The following TIAM1 variants were observed in gnomAD, a reference collection of about 807,000 sequenced individuals.
TIAM1 encodes the protein TIAM Rac1 associated GEF 1, also known as rho guanine nucleotide exchange factor TIAM1.
Under a neutral mutation model 163.5 loss-of-function variants are expected in TIAM1, and 65 were observed. The ratio of observed to expected loss-of-function variants is 0.40; its 90% CI spans 0.33 to 0.49. TIAM1 has a LOEUF of 0.49. Ranked by LOEUF, TIAM1 falls within the 20% of genes least tolerant of loss-of-function variation. The pLI is 0.77. For synonymous variants in TIAM1, 833 were observed against 810.1 expected, an observed-to-expected ratio of 1.03 and a Z score of -0.48; for missense variants, 1,789 against 2,044.7, an observed-to-expected ratio of 0.87 and a Z score of 2.41.
intron 9 of TIAM1, 135 bp downstream of exon 9, chr21:31,217,418 A>G: frequency 1.7e-6 from 2 of 1,211,496 alleles, no homozygotes; most frequent in Non-Finnish European, 2.3e-6. Context: ...AGTGTCTAGC[A>G]CAGCTAGTTT....
chr21:31,424,283 G>C (rs911563676), intron 2 of TIAM1, among the ~76,000 whole-genome samples: 1 of 152,198 alleles, frequency 6.6e-6, no homozygotes, highest in Non-Finnish European at 1.5e-5. Flanking sequence ...AGACTCAGAA[G>C]TTCAGTGATT....
chr21:31,409,338 G>A (rs1307574142), intron 2 of TIAM1, among the ~76,000 whole-genome samples: 1 of 152,094 alleles, frequency 6.6e-6, no homozygotes, highest in Non-Finnish European at 1.5e-5. Flanking sequence ...TTGAACTCCT[G>A]ACCTCGTGAT....
At chr21:31,546,180 T>C (rs1406128463) in intron 1 of TIAM1, among the ~76,000 whole-genome samples, 1 of 96,776 alleles carries the variant, frequency 1.0e-5, no homozygotes, top group Non-Finnish European at 2.0e-5. Context: ...AAGAGGTATT[T>C]GTAATTTAAA....
rs576050191 is a variant in TIAM1, at chr21:31,246,935, A to G, written c.1412-1275T>C. 1.1e-4 allele frequency among the ~76,000 whole-genome samples: 16 copies of G among 152,262 alleles called. No homozygotes were observed. In the South Asian group the frequency reaches 3.1e-3, roughly 30 times the overall value. Reference sequence around the variant, plus strand: ...TTTCATACTTGTGGTCCTTGTCTCCATAATTTAGGAGTCTCAATTATTCCT... The same window carrying G: ...TTTCATACTTGTGGTCCTTGTCTCCGTAATTTAGGAGTCTCAATTATTCCT... On this transcript the variant is annotated intron_variant, in intron 5 of 27. Coordinates refer to ENST00000541036, the MANE Select transcript of TIAM1 (RefSeq NM_001353694.2).
chr21:31,198,700 G>C (rs994796665), intron 12 of TIAM1, among the ~76,000 whole-genome samples: 1 of 152,138 alleles, frequency 6.6e-6, no homozygotes, highest in Admixed American at 6.5e-5. Flanking sequence ...ATAACTGTTT[G>C]TTTTAATCAT....
chr21:31,421,107 G>A (rs1478064089), intron 2 of TIAM1, among the ~76,000 whole-genome samples: 5 of 151,132 alleles, frequency 3.3e-5, no homozygotes, highest in Non-Finnish European at 5.9e-5. Flanking sequence ...CTCCAGCCTG[G>A]GCAACAGAGT....
intron 6 of TIAM1, among the ~76,000 whole-genome samples, chr21:31,228,301 G>C (rs1351576357): frequency 1.6e-5 from 2 of 123,558 alleles, no homozygotes; most frequent in Non-Finnish European, 3.4e-5. Flanking sequence ...CCCAGTGTTG[G>C]CAAAGATATG....
At chr21:31,339,671 C>T (rs1028851842) in intron 1 of TIAM1, among the ~76,000 whole-genome samples, 1 of 152,140 alleles carries the variant, frequency 6.6e-6, no homozygotes, top group Non-Finnish European at 1.5e-5. Context: ...TTCTTGCCCA[C>T]CAAAATCTCA....
At chr21:31,316,869 A>G (rs1440811619) in intron 2 of TIAM1, among the ~76,000 whole-genome samples, 1 of 152,130 alleles carries the variant, frequency 6.6e-6, no homozygotes, top group Non-Finnish European at 1.5e-5. Flanking sequence ...AACTGGAAAG[A>G]TCCTGCCCCC....
At chr21:31,452,056 G>A (rs536016477) in intron 2 of TIAM1, among the ~76,000 whole-genome samples, 5 of 152,246 alleles carry the variant, frequency 3.3e-5, no homozygotes, top group African/African-American at 1.2e-4. Flanking sequence ...ACCTTACAGA[G>A]GGCACATCCT....
intron 15 of TIAM1, among the ~76,000 whole-genome samples, chr21:31,177,436 G>A (rs1457916564): frequency 6.6e-6 from 1 of 152,172 alleles, no homozygotes; most frequent in African/African-American, 2.4e-5. Context: ...GTGAAACCCT[G>A]TCTCTACTAA....
At position 31,135,948 on chromosome 21, in the gene TIAM1, C is replaced by T. The variant is rs139179544; in HGVS notation, c.3868G>A (p.Glu1290Lys). Reference protein sequence around the residue: ...ASLGKWKKEPELAAFVFKTAV... With the variant: ...ASLGKWKKEPKLAAFVFKTAV... The stretch of plus-strand genomic sequence containing the variant: ...TGATACACACCGAATGCTGCCAACT[C>T]TGGTTCCTTTTTCCACTTGCCCAGC... The change falls in exon 23 of 28, where the codon GAG becomes AAG. Residue 1290 changes from glutamate to lysine, a missense_variant. Around this residue, in one of 5 missense-constraint regions of TIAM1, gnomAD observed 415 missense variants for 439.2 expected, o/e 0.94. Transcript: ENST00000541036. 50 of 1,614,066 alleles carry T rather than the reference C, an allele frequency of 3.1e-5. No homozygotes were observed. The highest frequency in any genetic ancestry group is 4.2e-5 in the Non-Finnish European group (49 of 1,180,036).
In TIAM1 at chr21:31,436,366, G is replaced by A. The variant is rs149791339; in HGVS notation, c.-369+27617C>T. Among the ~76,000 whole-genome samples the A allele has an allele frequency of 1.2e-4, 19 of 152,268 alleles. No homozygotes were observed. The East Asian group carries it at 3.1e-3, about 25-fold the overall frequency. ...TAAAGTATACGCCAGAGCCAGGTGC[G>A]GTGGCTCATGCCTGTAATCTCAGCA... On this transcript the variant is annotated intron_variant, in intron 2 of 28. Coordinates refer to the TIAM1 transcript ENST00000286827.
intron 6 of TIAM1, among the ~76,000 whole-genome samples, chr21:31,236,825 A>T (rs956729672): frequency 1.3e-5 from 2 of 152,190 alleles, no homozygotes; most frequent in East Asian, 3.9e-4. Flanking sequence ...AGAGGCTCAC[A>T]CAGGATGCTG....
At chr21:31,233,858 C>T (rs1157822014) in intron 6 of TIAM1, among the ~76,000 whole-genome samples, 2 of 152,146 alleles carry the variant, frequency 1.3e-5, no homozygotes, top group African/African-American at 2.4e-5. Flanking sequence ...AAACAGGGAC[C>T]GTGCGCTGCA....
intron 1 of TIAM1, among the ~76,000 whole-genome samples, chr21:31,543,974 G>A (rs2048404037): frequency 6.6e-6 from 1 of 152,268 alleles, no homozygotes; most frequent in Non-Finnish European, 1.5e-5. Context: ...ACTTTGGGAG[G>A]CCAAGGTGGG....
chr21:31,417,995 T>C (rs2043432303), intron 2 of TIAM1, among the ~76,000 whole-genome samples: 1 of 152,066 alleles, frequency 6.6e-6, no homozygotes, highest in African/African-American at 2.4e-5. Context: ...CCCTTCAGTT[T>C]TTATTTCGGG....
At chr21:31,410,498 AGTGT>A (rs948834541) in intron 2 of TIAM1, among the ~76,000 whole-genome samples, 4 of 32,950 alleles carry the variant, frequency 1.2e-4, no homozygotes, top group African/African-American at 6.5e-4. Flanking sequence ...TGTGTGTGAT[AGTGT>A]GTATGTGTAT....
At chr21:31,511,200 T>C (rs1223614913) in intron 1 of TIAM1, among the ~76,000 whole-genome samples, 1 of 152,226 alleles carries the variant, frequency 6.6e-6, no homozygotes, top group African/African-American at 2.4e-5. Context: ...GTCACCCTGT[T>C]GGTGGCACTT....
Sources: gnomAD v4.1 joint callset for allele counts (sites outside exome capture counted in the v4.1 genomes callset) on GRCh38, gnomAD v4.1.1 for gene constraint, gnomAD v4.1.1 regional missense constraint, MANE v1.5 for transcripts, NCBI Gene and HGNC (gene_info 2026-07-23, HGNC 2026-07-21) for gene names.